Variants in HSD11B2 observed in about 807,000 individuals in gnomAD.
HSD11B2 encodes hydroxysteroid 11-beta dehydrogenase 2, also known as 11-beta-hydroxysteroid dehydrogenase type 2.
HSD11B2 carries 17 observed loss-of-function variants against 20.9 expected under a neutral mutation model. The observed-to-expected ratio is 0.81, with a 90% CI of 0.56 to 1.22. The LOEUF is 1.22. Among genes scored for constraint, HSD11B2 ranks in the 50% most tolerant of loss-of-function variants. The pLI is 0.00. For synonymous variants in HSD11B2, 253 were observed against 255.4 expected, an observed-to-expected ratio of 0.99 and a Z score of 0.09; for missense variants, 480 against 563.6, an observed-to-expected ratio of 0.85 and a Z score of 1.50.
chr16:67,432,259 AG>A (rs35257037), intron 1 of HSD11B2, among the ~76,000 whole-genome samples: 10,074 of 102,722 alleles, frequency 0.098, 383 homozygotes, highest in Middle Eastern at 0.17. Flanking sequence ...GGGAAGGGGA[AG>A]GGGGGGGGGG....
chr16:67,432,352 T>G (rs1316138916), intron 1 of HSD11B2, among the ~76,000 whole-genome samples: 2 of 151,476 alleles, frequency 1.3e-5, no homozygotes, highest in Admixed American at 1.3e-4. Context: ...AGCAGCCTGG[T>G]CTCTCGCCAA....
At position 67,436,347 on chromosome 16, in the gene HSD11B2, G is replaced by T. The variant is rs1597563075; in HGVS notation, c.763G>T (p.Val255Phe). ...CAGCTGTGAACTCCTTCCCTGGGGG[G>T]TCAAGGTCAGCATCATCCAGCCTGG... The part of the protein sequence containing the change: ...TFSCELLPWG[V>F]KVSIIQPGCF... The change falls in exon 4 of 5, where the codon GTC becomes TTC. Residue 255 changes from valine to phenylalanine, a missense_variant. Around this residue, in one of 2 missense-constraint regions of HSD11B2, gnomAD observed 374 missense variants for 480.9 expected, o/e 0.78. Transcript: ENST00000326152. The surrounding 1 kb of genome is among the most constrained non-coding windows in gnomAD (Gnocchi z 5.7). The T allele has an allele frequency of 1.3e-6, 2 of 1,540,434 alleles. No homozygotes were observed. Among genetic ancestry groups the T allele is most frequent in the Non-Finnish European group, 1.8e-6 (2 of 1,136,026 alleles).
chr16:67,436,257 C>A lies in HSD11B2; in HGVS notation c.673C>A (p.Pro225Thr), dbSNP rs751507043. The A allele has an allele frequency of 1.9e-6, 3 of 1,614,062 alleles. No individual in the cohort carries two copies. Among genetic ancestry groups the A allele is most frequent in the South Asian group, 1.1e-5 (1 of 91,088 alleles). The change falls in exon 4 of 5, where the codon CCA becomes ACA. Residue 225 changes from proline to threonine, a missense_variant. Around this residue, in one of 2 missense-constraint regions of HSD11B2, gnomAD observed 374 missense variants for 480.9 expected, o/e 0.78. Transcript: ENST00000326152. The surrounding 1 kb of genome is among the most constrained non-coding windows in gnomAD (Gnocchi z 5.7). ...VTVGSPAGDM[P>T]YPCLGAYGTS... ...TCCCAATCCATCCGCAGGGGACATG[C>A]CATATCCGTGCTTGGGGGCCTATGG...
chr16:67,435,811 A>G lies in HSD11B2; in HGVS notation c.449A>G (p.Glu150Gly). ...CCAGGAGACATTAGCCGCGTGCTAG[A>G]GTTCACCAAGGCCCACACCACCAGC... ...TKPGDISRVL[E>G]FTKAHTTSTG... The change falls in exon 2 of 5, where the codon GAG becomes GGG. Residue 150 changes from glutamate (E) to glycine (G), a missense_variant. By Grantham distance (98) the Glu-to-Gly change is moderately conservative. Around this residue, in one of 2 missense-constraint regions of HSD11B2, gnomAD observed 374 missense variants for 480.9 expected, o/e 0.78. Coordinates refer to ENST00000326152, the MANE Select transcript of HSD11B2 (RefSeq NM_000196.4). 6.2e-7 allele frequency: 1 copy of G among 1,614,040 alleles called. No individual in the cohort carries two copies.
chr16:67,429,860 C>T (rs964289988), upstream of HSD11B2, among the ~76,000 whole-genome samples: 4 of 152,162 alleles, frequency 2.6e-5, no homozygotes, highest in Non-Finnish European at 5.9e-5. Flanking sequence ...TTGGAGGAGG[C>T]ATTGCCCTGA....
chr16:67,430,389 CCA>C (rs2040921013), upstream of HSD11B2, among the ~76,000 whole-genome samples: 2 of 152,302 alleles, frequency 1.3e-5, no homozygotes, highest in East Asian at 1.9e-4. This position sits in a 1 kb window ranked among gnomAD's most constrained non-coding sequence, Gnocchi z 5.4. Flanking sequence ...CCACTGACCC[CCA>C]CACACATACA....
chr16:67,436,666 C>T lies in HSD11B2; in HGVS notation c.881C>T (p.Ala294Val). 1 of 1,614,214 alleles carries T rather than the reference C, an allele frequency of 6.2e-7. No homozygotes were observed. The highest frequency in any genetic ancestry group is 8.5e-7 in the Non-Finnish European group (1 of 1,180,032). The change falls in exon 5 of 5, where the codon GCC (alanine) becomes GTC (valine). Residue 294 changes from alanine to valine, a missense_variant. Physicochemically the swap from Ala to Val is moderately conservative, Grantham distance 64. This residue lies in a region of HSD11B2 where 374 missense variants were observed against 480.9 expected (regional missense o/e 0.78). Transcript: ENST00000326152. The surrounding 1 kb of genome is among the most constrained non-coding windows in gnomAD (Gnocchi z 5.7). ...LANLPQELLQ[A>V]YGKDYIEHLH... is the part of the protein sequence containing the mutation. ...AACCTGCCTCAAGAGCTGCTGCAGG[C>T]CTACGGCAAGGACTACATCGAGCAC...
At chr16:67,433,687 T>TACACACAC (rs759945497) in intron 1 of HSD11B2, among the ~76,000 whole-genome samples, 53 of 133,932 alleles carry the variant, frequency 4.0e-4, no homozygotes, top group Middle Eastern at 3.6e-3. Context: ...TGTGTGTGTC[T>TACACACAC]ACACACACAC....
chr16:67,431,607 G>T, intron 1 of HSD11B2, 94 bp downstream of exon 1: 1 of 1,154,286 alleles, frequency 8.7e-7, no homozygotes, highest in Admixed American at 4.5e-5. Context: ...CAGCCAAGGC[G>T]GGCTCCTCAG....
At position 67,436,341 on chromosome 16, in the gene HSD11B2, TG is replaced by T; in HGVS notation, c.763del (p.Val255SerfsTer16). The T allele has an allele frequency of 7.5e-7, 1 of 1,338,594 alleles. No individual in the cohort carries two copies. Among genetic ancestry groups the T allele is most frequent in the Non-Finnish European group, 9.8e-7 (1 of 1,020,320 alleles). 82.9% of individuals were successfully genotyped at this position (1,338,594 alleles called of 1,614,324 possible). A position where few individuals can be genotyped will look rare whatever the true frequency, so the allele number is the denominator to read the frequency against. ...MDTFSCELLP[W>X]GVKVSIIQPG... Reference sequence around the variant, plus strand: ...CACATTCAGCTGTGAACTCCTTCCCTGGGGGGTCAAGGTCAGCATCATCCAG... The same window carrying T: ...CACATTCAGCTGTGAACTCCTTCCCTGGGGGTCAAGGTCAGCATCATCCAG... On this transcript the variant is annotated frameshift_variant, in exon 4 of 5. Transcript: ENST00000326152. LOFTEE classifies it high-confidence loss of function. The surrounding 1 kb of genome is among the most constrained non-coding windows in gnomAD (Gnocchi z 5.7).
At chr16:67,431,585 T>A in intron 1 of HSD11B2, 72 bp downstream of exon 1, 1 of 1,223,178 alleles carries the variant, frequency 8.2e-7, no homozygotes, top group Non-Finnish European at 1.0e-6. Context: ...CAGGACTGAC[T>A]CCCCATGGGC....
chr16:67,435,032 CAAA>C (rs1057333024), intron 1 of HSD11B2, among the ~76,000 whole-genome samples: 7 of 70,338 alleles, frequency 1.0e-4, no homozygotes, highest in Admixed American at 1.5e-4. Context: ...CCGTCTCAAA[CAAA>C]AAAAAAAAAA....
chr16:67,435,502 G>C, intron 1 of HSD11B2, 126 bp from the exon 2 acceptor site: 1 of 752,514 alleles, frequency 1.3e-6, no homozygotes, highest in East Asian at 2.7e-5. Context: ...AAGGAGTTAG[G>C]GTTGTTGACT....
chr16:67,435,951 C>T lies in HSD11B2; in HGVS notation c.479-6C>T. The T allele has an allele frequency of 6.2e-7, 1 of 1,614,164 alleles. No individual in the cohort carries two copies. The highest frequency in any genetic ancestry group is 8.5e-7 in the Non-Finnish European group (1 of 1,180,024). ...AAGGCTTCCCTCCTCTGCTCTGTGA[C>T]CCCAGGCCTGTGGGGCCTCGTCAAC... is the stretch of plus-strand genomic sequence containing the variant. On this transcript the variant is annotated splice_region_variant and splice_polypyrimidine_tract_variant and intron_variant, in intron 2 of 4. Transcript: ENST00000326152.
upstream of HSD11B2, among the ~76,000 whole-genome samples, chr16:67,430,145 G>A (rs45491499): frequency 4.6e-3 from 692 of 151,588 alleles, 3 homozygotes; most frequent in African/African-American, 0.016. This position sits in a 1 kb window ranked among gnomAD's most constrained non-coding sequence, Gnocchi z 5.4. Context: ...GGTGGGCAGG[G>A]TGGGGGGCCA....
At position 67,436,159 on chromosome 16, in the gene HSD11B2, A is replaced by C. The variant is rs754796281; in HGVS notation, c.664+17A>C. The C allele has an allele frequency of 5.5e-5, 89 of 1,612,392 alleles. No individual in the cohort carries two copies. Among genetic ancestry groups the C allele is most frequent in the Non-Finnish European group, 7.4e-5 (87 of 1,179,576 alleles). ...GCCCAGCGGGTGAGTGCCCCCCCCC[A>C]CTGGAGCAAAAAGGAGCCCCCTGGG... is the stretch of plus-strand genomic sequence containing the variant. On this transcript the variant is annotated intron_variant, in intron 3 of 4. Transcript: ENST00000326152. The surrounding 1 kb of genome is among the most constrained non-coding windows in gnomAD (Gnocchi z 5.7).
Position 67,431,442 on chromosome 16 carries a change from G to T in HSD11B2, c.194G>T (p.Gly65Val), listed in dbSNP as rs1213880949. The change falls in exon 1 of 5, where the codon GGC becomes GTC. Residue 65 changes from glycine (G) to valine (V), a missense_variant. This residue lies in a region of HSD11B2 where 374 missense variants were observed against 480.9 expected (regional missense o/e 0.78). Transcript: ENST00000326152. ...PAALAVLAAA[G>V]WIALSRLARP... is the part of the protein sequence containing the mutation. Reference sequence around the variant, plus strand: ...GCACTCGCCGTGCTGGCCGCCGCCGGCTGGATCGCGTTGTCCCGCCTGGCG... The same window carrying T: ...GCACTCGCCGTGCTGGCCGCCGCCGTCTGGATCGCGTTGTCCCGCCTGGCG... 2 of 1,362,146 alleles carry T rather than the reference G, an allele frequency of 1.5e-6. No individual in the cohort carries two copies. The highest frequency in any genetic ancestry group is 9.5e-7 in the Non-Finnish European group (1 of 1,056,818). The allele number at this position is 1,362,146 out of a possible 1,614,324, so 84.4% of individuals were successfully genotyped here.
chr16:67,435,936 T>G (rs1430119121), intron 2 of HSD11B2, 21 bp from the exon 3 acceptor site: 1 of 1,613,988 alleles, frequency 6.2e-7, no homozygotes, highest in African/African-American at 1.3e-5. Context: ...AAGGCTTCCC[T>G]CCTCTGCTCT....
At chr16:67,430,771 C>T (rs1486463492), upstream of HSD11B2, 1 of 152,406 alleles carries the variant, frequency 6.6e-6, no homozygotes, top group Admixed American at 6.5e-5. The surrounding 1 kb of genome is among the most constrained non-coding windows in gnomAD (Gnocchi z 5.4). Flanking sequence ...TCAGGTGTCC[C>T]GAACAAGCGT....
Sources: gnomAD v4.1 joint callset for allele counts (sites outside exome capture counted in the v4.1 genomes callset) on GRCh38, gnomAD v4.1.1 for gene constraint, gnomAD v4.1.1 regional missense constraint, Gnocchi (gnomAD v3.1) non-coding constraint, MANE v1.5 for transcripts, NCBI Gene and HGNC (gene_info 2026-07-23, HGNC 2026-07-21) for gene names.